The following COL6A1 variants were observed in gnomAD, a reference collection of about 807,000 sequenced individuals.
COL6A1 encodes collagen type VI alpha 1 chain, also known as collagen alpha-1(VI) chain.
COL6A1 carries 80 observed loss-of-function variants against 145.6 expected under a neutral mutation model. That is an observed-to-expected ratio of 0.55 (90% confidence interval 0.46 to 0.66). The LOEUF is 0.66. Among genes scored for constraint, COL6A1 ranks in the 30% least tolerant of loss-of-function variants. The probability of loss-of-function intolerance (pLI) is 0.00; values close to 1 mark genes in which losing one functional copy is unlikely to be tolerated. For synonymous variants in COL6A1, 638 were observed against 622.8 expected (o/e 1.02, Z -0.36); for missense variants, 1,364 against 1,473.8 (o/e 0.93, Z 1.22).
intron 2 of COL6A1, among the ~76,000 whole-genome samples, chr21:45,983,559 A>G (rs1214426131): frequency 6.6e-6 from 1 of 151,902 alleles, no homozygotes; most frequent in Non-Finnish European, 1.5e-5. Flanking sequence ...TGCCGGTAAC[A>G]GCAGGGTGGA....
chr21:45,999,776 C>G, intron 27 of COL6A1, 84 bp downstream of exon 27: 5 of 1,105,080 alleles, frequency 4.5e-6, no homozygotes, highest in African/African-American at 1.8e-5. Context: ...ATGGGTGCTC[C>G]TGTAGACGCT....
chr21:45,995,851 C>A (rs1220845725), intron 20 of COL6A1, among the ~76,000 whole-genome samples: 1 of 152,208 alleles, frequency 6.6e-6, no homozygotes, highest in African/African-American at 2.4e-5. Context: ...TCCCTGGGGC[C>A]TTTCGGGGCC....
intron 26 of COL6A1, 36 bp from the exon 27 acceptor site, chr21:45,999,621 C>G: frequency 6.2e-7 from 1 of 1,611,768 alleles, no homozygotes; most frequent in African/African-American, 1.3e-5. Flanking sequence ...GTGGGCTCCT[C>G]ACCCTCAGAG....
chr21:45,986,943 G>A lies in COL6A1; in HGVS notation c.589-1G>A. ...CAGCCCACCCTGAACACTGCCCCCAGGAGCCGCGTCTGAGCATCATCGCCA... is the reference window on the plus strand; with the variant it reads ...CAGCCCACCCTGAACACTGCCCCCAAGAGCCGCGTCTGAGCATCATCGCCA... On this transcript the variant is annotated splice_acceptor_variant, in intron 4 of 34. Coordinates refer to ENST00000361866, the MANE Select transcript of COL6A1 (RefSeq NM_001848.3). LOFTEE classifies it high-confidence loss of function. 2 of 1,547,758 alleles carry A rather than the reference G, an allele frequency of 1.3e-6. No homozygotes were observed. Among genetic ancestry groups the A allele is most frequent in the Non-Finnish European group, 1.7e-6 (2 of 1,150,096 alleles).
rs11700844 is a variant in COL6A1, at chr21:45,998,320, G to C, written c.1576-78G>C. 0.17 allele frequency: 276,961 copies of C among 1,598,322 alleles called. 26,034 individuals are homozygous for C. The highest frequency in any genetic ancestry group is 0.22 in the Admixed American group (12,713 of 58,992). Reference sequence around the variant, plus strand: ...CATGGCCGGGATTCTGTCAGCTCAGGCCCTTCCGCTGTGCGCCCCTCACAG... The same window carrying C: ...CATGGCCGGGATTCTGTCAGCTCAGCCCCTTCCGCTGTGCGCCCCTCACAG... On this transcript the variant is annotated intron_variant, in intron 23 of 34. Coordinates refer to ENST00000361866, the MANE Select transcript of COL6A1 (RefSeq NM_001848.3).
intron 20 of COL6A1, among the ~76,000 whole-genome samples, chr21:45,996,289 C>T (rs2077804111): frequency 1.3e-5 from 2 of 152,234 alleles, no homozygotes; most frequent in African/African-American, 2.4e-5. Context: ...GTTTGGTGAG[C>T]TTCTGGACCT....
chr21:46,002,708 T>G lies in COL6A1; in HGVS notation c.2432T>G (p.Ile811Arg). Residue 811 changes from isoleucine to arginine, a missense_variant and splice_region_variant, in exon 33 of 35, where the codon ATA becomes AGA. By Grantham distance (97) the Ile-to-Arg change is moderately conservative. This residue lies in a region of COL6A1 where 938 missense variants were observed against 1,003.8 expected (regional missense o/e 0.93). Coordinates refer to ENST00000361866, the MANE Select transcript of COL6A1 (RefSeq NM_001848.3). Reference protein sequence around the residue: ...FLKNVTAQICIDKKCPDYTCP... With the variant: ...FLKNVTAQICRDKKCPDYTCP... ...AAGAATGTCACCGCCCAGATCTGCA[T>G]AGGTGCGCATGGGGCCACCCGGGCA... 6.2e-7 allele frequency: 1 copy of G among 1,611,516 alleles called. No homozygotes were observed. Among genetic ancestry groups the G allele is most frequent in the Non-Finnish European group, 8.5e-7 (1 of 1,178,966 alleles).
chr21:45,994,259 T>C lies in COL6A1; in HGVS notation c.1398+30T>C, dbSNP rs1232274842. On this transcript the variant is annotated intron_variant, in intron 20 of 34. Transcript: ENST00000361866. This position sits in a 1 kb window ranked among gnomAD's most constrained non-coding sequence, Gnocchi z 6.8. ...GAAGCGCTGTGGGGTTGGGGGGCGTTGGCCAATTTGGGTTTTGGGGGTAGA... is the reference window on the plus strand; with the variant it reads ...GAAGCGCTGTGGGGTTGGGGGGCGTCGGCCAATTTGGGTTTTGGGGGTAGA... The C allele has an allele frequency of 4.4e-6, 7 of 1,596,048 alleles. No individual in the cohort carries two copies. In the South Asian group the frequency reaches 7.9e-5, roughly 18 times the overall value.
chr21:45,992,495 A>G, intron 18 of COL6A1, 97 bp downstream of exon 18: 3 of 1,425,858 alleles, frequency 2.1e-6, no homozygotes, highest in South Asian at 1.2e-5. Flanking sequence ...ACTGAGAGCC[A>G]TGGCCTCCTG....
chr21:45,999,820 G>C, intron 27 of COL6A1, 128 bp downstream of exon 27: 1 of 796,930 alleles, frequency 1.3e-6, no homozygotes, highest in Non-Finnish European at 2.0e-6. Context: ...ACAAAGAGCT[G>C]GTGCCAGGCC....
Position 46,003,470 on chromosome 21 carries a change from C to T in COL6A1, c.2544C>T (p.Thr848=). Residue 848 remains threonine (T), a synonymous_variant, in exon 35 of 35, where the codon ACC becomes ACT. Transcript: ENST00000361866. ...TGGGCAGCCACAACTTTGACACCAC[C>T]AAGCGCTTCGCCAAGCGCCTGGCCG... The part of the protein sequence containing the change: ...ASVGSHNFDT[T]KRFAKRLAER... The T allele has an allele frequency of 6.2e-7, 1 of 1,608,660 alleles. No homozygotes were observed. Among genetic ancestry groups the T allele is most frequent in the Non-Finnish European group, 8.5e-7 (1 of 1,179,708 alleles).
rs1198845505 is a variant in COL6A1, at chr21:46,001,395, T to C, written c.1956+9T>C. 1.9e-6 allele frequency: 3 copies of C among 1,609,948 alleles called. No individual in the cohort carries two copies. Among genetic ancestry groups the C allele is most frequent in the East Asian group, 4.5e-5 (2 of 44,844 alleles). On this transcript the variant is annotated intron_variant, in intron 30 of 34. Transcript: ENST00000361866. ...GGGACGAGCTGGTCAAGGTGAGGCC[T>C]CGCCCCGCCCGGCTTTCTCAAGCCC...
chr21:46,004,818 C>T lies in COL6A1; in HGVS notation c.*805C>T, dbSNP rs536742577. On this transcript the variant is annotated 3_prime_UTR_variant, in exon 35 of 35. Coordinates refer to ENST00000361866, the MANE Select transcript of COL6A1 (RefSeq NM_001848.3). ...ATTAACGGTGCTAACCCCGTCTGCT[C>T]CTCCCTCCCGCAGAGACTGGGGCCT... The T allele has an allele frequency of 2.1e-5, 7 of 335,506 alleles. No homozygotes were observed. Among genetic ancestry groups the T allele is most frequent in the South Asian group, 1.3e-4 (6 of 46,112 alleles). 20.8% of individuals were successfully genotyped at this position (335,506 alleles called of 1,614,324 possible). A position where few individuals can be genotyped will look rare whatever the true frequency, so the allele number is the denominator to read the frequency against.
In COL6A1 at chr21:45,992,873, G is replaced by A; in HGVS notation, c.1335+63G>A. The A allele has an allele frequency of 3.4e-6, 5 of 1,466,824 alleles. No homozygotes were observed. In the South Asian group the frequency reaches 3.6e-5, roughly 11 times the overall value. The allele number at this position is 1,466,824 out of a possible 1,614,324, so 90.9% of individuals were successfully genotyped here. A position where few individuals can be genotyped will look rare whatever the true frequency, so the allele number is the denominator to read the frequency against. The stretch of plus-strand genomic sequence containing the variant: ...AAGGGGCAGGCGGAGGCTGGGGCTG[G>A]GTCAGGCCTCCAGAGCCACAGGACA... On this transcript the variant is annotated intron_variant, in intron 19 of 34. Coordinates refer to ENST00000361866, the MANE Select transcript of COL6A1 (RefSeq NM_001848.3).
Position 45,994,999 on chromosome 21 carries a change from G to A in COL6A1, c.1398+770G>A, listed in dbSNP as rs549214836. Among the ~76,000 whole-genome samples, 6 of 152,378 alleles carry A rather than the reference G, an allele frequency of 3.9e-5. No homozygotes were observed. The South Asian group carries it at 1.0e-3, about 26-fold the overall frequency. On this transcript the variant is annotated intron_variant, in intron 20 of 34. Coordinates refer to ENST00000361866, the MANE Select transcript of COL6A1 (RefSeq NM_001848.3). The surrounding 1 kb of genome is among the most constrained non-coding windows in gnomAD (Gnocchi z 6.8). ...AGCACAAGGCCAGACCCTGGGCACG[G>A]CAGCTGTCTCAGACGTCCAGCAAGA... is the stretch of plus-strand genomic sequence containing the variant.
chr21:46,001,038 A>C (rs2077841603), intron 29 of COL6A1: 1 of 732,372 alleles, frequency 1.4e-6, no homozygotes, highest in African/African-American at 1.8e-5. Context: ...GCCCCACCCT[A>C]GCCTGGCTGA....
chr21:45,984,839 C>G (rs2077728873), intron 3 of COL6A1, among the ~76,000 whole-genome samples: 1 of 149,368 alleles, frequency 6.7e-6, no homozygotes, highest in African/African-American at 2.5e-5. Flanking sequence ...GACAGGCAGA[C>G]AGAGACAGAG....
At position 46,004,220 on chromosome 21, in the gene COL6A1, A is replaced by C; in HGVS notation, c.*207A>C. ...AGCCCTGAGTTGGCATCACCTGCGC[A>C]GGGCCCTCTGGGGCTCAGCCCTGAG... is the stretch of plus-strand genomic sequence containing the variant. On this transcript the variant is annotated 3_prime_UTR_variant, in exon 35 of 35. Transcript: ENST00000361866. The C allele has an allele frequency of 1.5e-6, 1 of 669,674 alleles. No individual in the cohort carries two copies. Among genetic ancestry groups the C allele is most frequent in the Non-Finnish European group, 2.5e-6 (1 of 398,580 alleles). 41.5% of individuals were successfully genotyped at this position (669,674 alleles called of 1,614,324 possible). A position where few individuals can be genotyped will look rare whatever the true frequency, so the allele number is the denominator to read the frequency against.
Position 46,003,802 on chromosome 21 carries a change from T to C in COL6A1, c.2876T>C (p.Val959Ala), listed in dbSNP as rs144814689. Reference sequence around the variant, plus strand: ...ACGCCCGCTGCCATCGAGAAGGCCGTGCAGGAAGCCCAGCGGGCAGGCATC... The same window carrying C: ...ACGCCCGCTGCCATCGAGAAGGCCGCGCAGGAAGCCCAGCGGGCAGGCATC... ...GATPAAIEKA[V>A]QEAQRAGIEI... The change falls in exon 35 of 35, where the codon GTG becomes GCG. Residue 959 changes from valine (V) to alanine (A), a missense_variant. By Grantham distance (64) the Val-to-Ala change is moderately conservative (BLOSUM62 0). Transcript: ENST00000361866. 153 of 1,608,782 alleles carry C rather than the reference T, an allele frequency of 9.5e-5. No individual in the cohort carries two copies. The African/African-American group carries it at 1.6e-3, about 17-fold the overall frequency.
Sources: gnomAD v4.1 joint callset for allele counts (sites outside exome capture counted in the v4.1 genomes callset) on GRCh38, gnomAD v4.1.1 for gene constraint, gnomAD v4.1.1 regional missense constraint, Gnocchi (gnomAD v3.1) non-coding constraint, MANE v1.5 for transcripts, NCBI Gene and HGNC (gene_info 2026-07-23, HGNC 2026-07-21) for gene names.